PDE1A: variants seen among roughly 807,000 people sequenced by gnomAD.
PDE1A encodes the protein dual specificity calcium/calmodulin-dependent 3',5'-cyclic nucleotide phosphodiesterase 1A.
Under a neutral mutation model 61.7 loss-of-function variants are expected in PDE1A, and 35 were observed. The ratio of observed to expected loss-of-function variants is 0.57; its 90% confidence interval spans 0.43 to 0.75. The LOEUF (loss-of-function observed/expected upper bound fraction) is 0.75. Among genes scored for constraint, PDE1A ranks in the 30% least tolerant of loss-of-function variants. PDE1A has a pLI of 0.00. For synonymous variants in PDE1A, 232 were observed against 213.2 expected, an observed-to-expected ratio of 1.09 and a Z score of -0.77; for missense variants, 597 against 630.6, an observed-to-expected ratio of 0.95 and a Z score of 0.57.
the PDE1A span, among the ~76,000 whole-genome samples, chr2:182,686,194 A>G: frequency 4.9e-3 from 753 of 152,266 alleles, 12 homozygotes; most frequent in African/African-American, 0.018. Context: ...ATACAACAAT[A>G]ACAAAAATGA....
Position 182,195,155 on chromosome 2 carries a change from T to C in PDE1A, c.1126-6095A>G, listed in dbSNP as rs139812301. On this transcript the variant is annotated intron_variant, in intron 10 of 13. Transcript: ENST00000351439. ...TGCTTTTAAATTGTGCCCAGATCTT[T>C]AGAAATTCAGCGTTAAGTAACTATC... is the stretch of plus-strand genomic sequence containing the variant. 6.8e-4 allele frequency among the ~76,000 whole-genome samples: 104 copies of C among 152,254 alleles called. No homozygotes were observed. In the East Asian group the frequency reaches 0.019, roughly 28 times the overall value.
At chr2:182,529,194 A>G in the PDE1A span, among the ~76,000 whole-genome samples, 1 of 152,234 alleles carries the variant, frequency 6.6e-6, no homozygotes, top group African/African-American at 2.4e-5. Context: ...GGGAGGCTAT[A>G]ACCTGCAGAG....
chr2:182,397,098 T>TGGG (rs2125423298), intron 1 of PDE1A, among the ~76,000 whole-genome samples: 1 of 152,318 alleles, frequency 6.6e-6, no homozygotes, highest in South Asian at 2.1e-4. Flanking sequence ...AATATAGGCC[T>TGGG]CACTTCTCTG....
At chr2:182,151,882 T>G (rs937614543) in intron 13 of PDE1A, among the ~76,000 whole-genome samples, 1 of 152,204 alleles carries the variant, frequency 6.6e-6, no homozygotes, top group East Asian at 1.9e-4. Context: ...ATCATCATTA[T>G]GATTCTCATT....
chr2:182,618,365 A>C, the PDE1A span, among the ~76,000 whole-genome samples: 1 of 152,214 alleles, frequency 6.6e-6, no homozygotes, highest in Non-Finnish European at 1.5e-5. Context: ...TAAGATATGA[A>C]TAGAGAAATT....
intron 2 of PDE1A, among the ~76,000 whole-genome samples, chr2:182,509,187 G>A (rs9789764): frequency 0.34 from 50,943 of 152,006 alleles, 9,787 homozygotes; most frequent in East Asian, 0.6. Flanking sequence ...CAGTGATTTC[G>A]CAAAGGTCCA....
At chr2:182,241,560 A>G (rs891869018) in intron 2 of PDE1A, among the ~76,000 whole-genome samples, 1 of 152,200 alleles carries the variant, frequency 6.6e-6, no homozygotes, top group Non-Finnish European at 1.5e-5. Flanking sequence ...TCAAAAGGTA[A>G]TATGCAGGAG....
At chr2:182,426,032 C>A (rs1703599544) in intron 1 of PDE1A, among the ~76,000 whole-genome samples, 1 of 152,188 alleles carries the variant, frequency 6.6e-6, no homozygotes, top group Non-Finnish European at 1.5e-5. Context: ...CTACATTTTG[C>A]CTGGTCACAG....
intron 2 of PDE1A, among the ~76,000 whole-genome samples, chr2:182,513,879 T>C (rs897131263): frequency 6.6e-6 from 1 of 152,228 alleles, no homozygotes; most frequent in African/African-American, 2.4e-5. Flanking sequence ...AATGTTTCAA[T>C]TCAGTAAGAA....
the PDE1A span, among the ~76,000 whole-genome samples, chr2:182,573,481 G>T: frequency 6.6e-6 from 1 of 152,014 alleles, no homozygotes; most frequent in African/African-American, 2.4e-5. Flanking sequence ...AAAAACAAAC[G>T]AGGGGCTATC....
At chr2:182,366,526 C>A (rs1435814472) in intron 1 of PDE1A, among the ~76,000 whole-genome samples, 1 of 151,914 alleles carries the variant, frequency 6.6e-6, no homozygotes, top group African/African-American at 2.4e-5. Context: ...AATTTAATAA[C>A]CTATTGTTTT....
At chr2:182,552,272 T>C in the PDE1A span, among the ~76,000 whole-genome samples, 10 of 152,082 alleles carry the variant, frequency 6.6e-5, no homozygotes. Flanking sequence ...GAAAAATAGA[T>C]TCTAAAGAAA....
chr2:182,330,344 TA>T (rs11340321), intron 1 of PDE1A, among the ~76,000 whole-genome samples: 135,793 of 147,808 alleles, frequency 0.92, 62,819 homozygotes, highest in East Asian at 1. Flanking sequence ...AACTCAGTCT[TA>T]AAAAAAAAAA....
chr2:182,264,889 A>ATATATATATATATATGTATATATATG (rs1223035626), intron 1 of PDE1A, among the ~76,000 whole-genome samples: 1 of 140,272 alleles, frequency 7.1e-6, no homozygotes, highest in Non-Finnish European at 1.5e-5. Context: ...ATATATATAT[A>ATATATATATATATATGTATATATATG]TATGTATATA....
intron 13 of PDE1A, 148 bp from the exon 14 acceptor site, chr2:182,147,300 C>T: frequency 1.9e-6 from 1 of 533,316 alleles, no homozygotes; most frequent in South Asian, 2.8e-5. Flanking sequence ...AGACACCAAA[C>T]ATCTTCCTTT....
the PDE1A span, among the ~76,000 whole-genome samples, chr2:182,703,215 TC>T: frequency 6.6e-6 from 1 of 152,240 alleles, no homozygotes; most frequent in Non-Finnish European, 1.5e-5. Context: ...TTCTAATAAC[TC>T]TTCAATCTCT....
chr2:182,583,087 G>C, the PDE1A span, among the ~76,000 whole-genome samples: 1 of 152,112 alleles, frequency 6.6e-6, no homozygotes, highest in Non-Finnish European at 1.5e-5. Flanking sequence ...GGAGAACAAA[G>C]AAACAGCTGC....
At chr2:182,473,575 T>C (rs879872611) in intron 2 of PDE1A, among the ~76,000 whole-genome samples, 5 of 151,864 alleles carry the variant, frequency 3.3e-5, no homozygotes, top group Non-Finnish European at 5.9e-5. Flanking sequence ...GTTGTGTACA[T>C]CATTTCATCA....
At chr2:182,492,024 T>G (rs1347498042) in intron 2 of PDE1A, among the ~76,000 whole-genome samples, 9 of 152,128 alleles carry the variant, frequency 5.9e-5, no homozygotes, top group Non-Finnish European at 1.5e-5. Context: ...CATGACCTGA[T>G]GCCCCACTGC....
Sources: allele counts gnomAD v4.1 joint callset (sites outside exome capture counted in the v4.1 genomes callset), GRCh38; gene constraint gnomAD v4.1.1; transcripts MANE v1.5; gene names NCBI Gene and HGNC (gene_info 2026-07-23, HGNC 2026-07-21).